Variants in GOSR2 observed in about 807,000 individuals in gnomAD.
The protein encoded by GOSR2 is golgi SNAP receptor complex member 2, also known as 27 kDa Golgi SNARE protein.
GOSR2 carries 20 observed loss-of-function variants against 27.9 expected under a neutral mutation model. The observed-to-expected ratio is 0.72, with a 90% CI of 0.50 to 1.04. The LOEUF is 1.04. Ranked by LOEUF, GOSR2 falls within the 50% of genes least tolerant of loss-of-function variation. The probability of loss-of-function intolerance (pLI) is 0.00; values close to 1 mark genes in which losing one functional copy is unlikely to be tolerated. For missense variants in GOSR2, 261 were observed against 270.5 expected (o/e 0.97, Z 0.25); for synonymous variants, 91 against 98.8 (o/e 0.92, Z 0.47).
rs1599077836 is a variant in GOSR2 at position 46,941,135 on chromosome 17, A to C, written c.*2375A>C. Reference sequence around the variant, plus strand: ...CAGGTGGGTTATCAAGAGGAACTTGAGATCTCTTTATTACATGGACATTTA... The same window carrying C: ...CAGGTGGGTTATCAAGAGGAACTTGCGATCTCTTTATTACATGGACATTTA... On this transcript the variant is annotated 3_prime_UTR_variant, in exon 6 of 6. Coordinates refer to ENST00000640051, the MANE Select transcript of GOSR2 (RefSeq NM_004287.5). The C allele has an allele frequency of 9.8e-7, 1 of 1,019,898 alleles. No individual in the cohort carries two copies. 63.2% of individuals were successfully genotyped at this position (1,019,898 alleles called of 1,614,324 possible). A position where few individuals can be genotyped will look rare whatever the true frequency, so the allele number is the denominator to read the frequency against.
chr17:46,939,495 T>TTTTA lies in GOSR2; in HGVS notation c.*736_*739dup, dbSNP rs2088957682. The TTTTA allele has an allele frequency of 2.0e-6, 2 of 986,348 alleles. No individual in the cohort carries two copies. Among genetic ancestry groups the TTTTA allele is most frequent in the Admixed American group, 1.2e-4 (2 of 16,444 alleles). 61.1% of individuals were successfully genotyped at this position (986,348 alleles called of 1,614,324 possible). The stretch of plus-strand genomic sequence containing the variant: ...TCTAGTTGTTAATAGAGTGGTTGGC[T>TTTTA]TTTAAGGTTCAGAGACTGTGGCTTG... On this transcript the variant is annotated 3_prime_UTR_variant, in exon 6 of 6. Coordinates refer to ENST00000640051, the MANE Select transcript of GOSR2 (RefSeq NM_004287.5).
At chr17:46,958,208 C>G (rs913836235) in intron 6 of GOSR2, among the ~76,000 whole-genome samples, 4 of 152,196 alleles carry the variant, frequency 2.6e-5, no homozygotes, top group East Asian at 1.9e-4. Context: ...TCAGGCCAAC[C>G]AACTTGGAGG....
chr17:46,963,768 A>G (rs1348302510), intron 6 of GOSR2: 1 of 152,104 alleles, frequency 6.6e-6, no homozygotes, highest in South Asian at 2.1e-4. Flanking sequence ...GAGAAGCTTG[A>G]GTTTTGGAGA....
Position 46,929,537 on chromosome 17 carries a change from A to G in GOSR2, c.47A>G (p.Gln16Arg). Reference sequence around the variant, plus strand: ...TTTGATAGGCAGGTCCACGAGATCCAGTCTTGCATGGGACGCCTGGAGACG... The same window carrying G: ...TTTGATAGGCAGGTCCACGAGATCCGGTCTTGCATGGGACGCCTGGAGACG... ...QQTHKQVHEI[Q>R]SCMGRLETAD... Residue 16 changes from glutamine (Q) to arginine (R), a missense_variant, in exon 2 of 6, where the codon CAG becomes CGG. Gln to Arg is a conservative substitution (Grantham distance 43, BLOSUM62 1). Coordinates refer to ENST00000640051, the MANE Select transcript of GOSR2 (RefSeq NM_004287.5). 6.4e-7 allele frequency: 1 copy of G among 1,563,974 alleles called. No homozygotes were observed. Among genetic ancestry groups the G allele is most frequent in the Non-Finnish European group, 8.8e-7 (1 of 1,134,378 alleles).
chr17:46,961,311 G>A (rs1270159457), intron 6 of GOSR2, among the ~76,000 whole-genome samples: 3 of 152,172 alleles, frequency 2.0e-5, no homozygotes, highest in Admixed American at 1.3e-4. Flanking sequence ...GCTGAGGCAG[G>A]AGGATCTCTT....
chr17:46,962,621 C>T (rs150688500), intron 6 of GOSR2, among the ~76,000 whole-genome samples: 36 of 152,296 alleles, frequency 2.4e-4, no homozygotes, highest in African/African-American at 6.7e-4. Context: ...GAGGAAATGC[C>T]ATGAGTTGAT....
chr17:46,935,726 A>G (rs1034372973), intron 5 of GOSR2: 2 of 988,176 alleles, frequency 2.0e-6, no homozygotes, highest in Non-Finnish European at 1.2e-6. Flanking sequence ...TTCACTCCCT[A>G]GCCTTAGGTA....
In GOSR2 at chr17:46,940,552, C is replaced by T. The variant is rs1568187679; in HGVS notation, c.*1792C>T. The T allele has an allele frequency of 6.8e-6, 11 of 1,614,168 alleles. No individual in the cohort carries two copies. The highest frequency in any genetic ancestry group is 8.5e-6 in the Non-Finnish European group (10 of 1,180,010). Reference sequence around the variant, plus strand: ...GCGACGGCAAGGCTGTCCTGTCCCCCAGGCACCCAAGGATCCTGCCAGACA... The same window carrying T: ...GCGACGGCAAGGCTGTCCTGTCCCCTAGGCACCCAAGGATCCTGCCAGACA... On this transcript the variant is annotated 3_prime_UTR_variant, in exon 6 of 6. Coordinates refer to ENST00000640051, the MANE Select transcript of GOSR2 (RefSeq NM_004287.5).
intron 1 of GOSR2, among the ~76,000 whole-genome samples, chr17:46,924,899 A>C (rs2086257743): frequency 6.6e-6 from 1 of 152,184 alleles, no homozygotes; most frequent in African/African-American, 2.4e-5. Flanking sequence ...GGTCTTATCT[A>C]GTTAATTTAG....
At chr17:46,935,190 CAG>C in intron 5 of GOSR2, 21 bp downstream of exon 5, 2 of 1,613,184 alleles carry the variant, frequency 1.2e-6, no homozygotes, top group South Asian at 2.2e-5. Flanking sequence ...TGCTGGGGGA[CAG>C]AGAGAAGGCC....
At chr17:46,949,823 GAAGGGC>G (rs2090195307) in intron 6 of GOSR2, among the ~76,000 whole-genome samples, 1 of 152,206 alleles carries the variant, frequency 6.6e-6, no homozygotes, top group African/African-American at 2.4e-5. Context: ...TGTGCTCTGG[GAAGGGC>G]AGGAGGATTC....
intron 6 of GOSR2, among the ~76,000 whole-genome samples, chr17:46,965,620 G>T (rs992988653): frequency 2.6e-5 from 1 of 37,964 alleles, no homozygotes; most frequent in African/African-American, 6.5e-5. Flanking sequence ...GCAATGCTAT[G>T]CCTTCTCTTT....
intron 5 of GOSR2, chr17:46,936,062 G>T (rs933223705): frequency 1.0e-6 from 1 of 985,742 alleles, no homozygotes; most frequent in Non-Finnish European, 1.2e-6. Flanking sequence ...CTCTACGGGG[G>T]AGAGGGTCAG....
chr17:46,939,466 T>A lies in GOSR2; in HGVS notation c.*706T>A. Reference sequence around the variant, plus strand: ...TTCAGTCTTGACCCTAGTCACTGATTTTTTCTAGTTGTTAATAGAGTGGTT... The same window carrying A: ...TTCAGTCTTGACCCTAGTCACTGATATTTTCTAGTTGTTAATAGAGTGGTT... On this transcript the variant is annotated 3_prime_UTR_variant, in exon 6 of 6. Coordinates refer to ENST00000640051, the MANE Select transcript of GOSR2 (RefSeq NM_004287.5). 3 of 986,884 alleles carry A rather than the reference T, an allele frequency of 3.0e-6. No homozygotes were observed. The highest frequency in any genetic ancestry group is 3.6e-6 in the Non-Finnish European group (3 of 830,890). The allele number at this position is 986,884 out of a possible 1,614,324, so 61.1% of individuals were successfully genotyped here. A position where few individuals can be genotyped will look rare whatever the true frequency, so the allele number is the denominator to read the frequency against.
chr17:46,940,397 C>A lies in GOSR2; in HGVS notation c.*1637C>A. ...GACTGGAGGGTGGACTGGGGGGTTGCAGCATCTTTAGACCTAGATCTGTCT... is the reference window on the plus strand; with the variant it reads ...GACTGGAGGGTGGACTGGGGGGTTGAAGCATCTTTAGACCTAGATCTGTCT... On this transcript the variant is annotated 3_prime_UTR_variant, in exon 6 of 6. Transcript: ENST00000640051. 6.4e-7 allele frequency: 1 copy of A among 1,561,694 alleles called. No individual in the cohort carries two copies. The highest frequency in any genetic ancestry group is 8.6e-7 in the Non-Finnish European group (1 of 1,158,388).
chr17:46,968,223 G>A (rs554210349), downstream of GOSR2, among the ~76,000 whole-genome samples: 17 of 152,234 alleles, frequency 1.1e-4, no homozygotes, highest in South Asian at 1.2e-3. Context: ...GGAAGGAGGC[G>A]TCCAGAGACC....
intron 6 of GOSR2, among the ~76,000 whole-genome samples, chr17:46,952,052 T>C (rs2090396642): frequency 6.6e-6 from 1 of 152,218 alleles, no homozygotes; most frequent in Admixed American, 6.5e-5. Context: ...GGGAGATTCC[T>C]GAAGCTGGGT....
intron 5 of GOSR2, chr17:46,936,490 G>GGT (rs2088385235): frequency 1.0e-6 from 1 of 985,312 alleles, no homozygotes; most frequent in African/African-American, 1.7e-5. Context: ...GTGGCTACCT[G>GGT]GTGTTTGTCT....
chr17:46,968,961 T>C (rs1375525058), downstream of GOSR2: 1 of 152,652 alleles, frequency 6.6e-6, no homozygotes, highest in African/African-American at 2.4e-5. Flanking sequence ...ATTGTTCTAA[T>C]GGGTCCTACC....
Sources: allele counts gnomAD v4.1 joint callset (sites outside exome capture counted in the v4.1 genomes callset), GRCh38; gene constraint gnomAD v4.1.1; transcripts MANE v1.5; gene names NCBI Gene and HGNC (gene_info 2026-07-23, HGNC 2026-07-21).